The following FIRRM variants were observed in gnomAD, a reference collection of about 807,000 sequenced individuals.
The protein encoded by FIRRM is FIGNL1 interacting regulator of recombination and mitosis, also known as FIGNL1-interacting regulator of recombination and mitosis.
the FIRRM span, chr1:169,842,302 A>G: frequency 3.1e-6 from 3 of 972,846 alleles, no homozygotes; most frequent in Non-Finnish European, 4.4e-6. Context: ...ATATTATTCT[A>G]CATGGACTTT....
chr1:169,853,978 C>A, the FIRRM span: 1 of 628,602 alleles, frequency 1.6e-6, no homozygotes. Context: ...TTTTCAAAAA[C>A]CATAAAATCC....
chr1:169,793,537 A>G, the FIRRM span: 2 of 1,614,112 alleles, frequency 1.2e-6, no homozygotes, highest in Non-Finnish European at 1.7e-6. Context: ...GAGGCAAGTC[A>G]AATTGTTCTG....
chr1:169,833,537 C>T, the FIRRM span, among the ~76,000 whole-genome samples: 52 of 152,284 alleles, frequency 3.4e-4, no homozygotes, highest in African/African-American at 1.2e-3. Context: ...TTTGTAAAGA[C>T]TTGGAAATAA....
chr1:169,829,533 A>C, the FIRRM span: 1 of 1,286,210 alleles, frequency 7.8e-7, no homozygotes. Flanking sequence ...ACAGAAGAAA[A>C]TGTGGGAATA....
At chr1:169,849,461 G>A in the FIRRM span, 1 of 1,450,210 alleles carries the variant, frequency 6.9e-7, no homozygotes, top group South Asian at 1.2e-5. Flanking sequence ...ATCTATTATG[G>A]TTTCTTTTCT....
chr1:169,820,195 A>G, the FIRRM span, among the ~76,000 whole-genome samples: 949 of 152,326 alleles, frequency 6.2e-3, 7 homozygotes, highest in African/African-American at 0.021. Flanking sequence ...AGAAAGGGAA[A>G]GGAGAGAATG....
At chr1:169,802,681 A>G in the FIRRM span, 2 of 1,613,338 alleles carry the variant, frequency 1.2e-6, no homozygotes, top group African/African-American at 1.3e-5. Context: ...AGGACTGTCA[A>G]GCCAAAATTT....
the FIRRM span, chr1:169,800,752 C>G: frequency 8.2e-6 from 2 of 242,662 alleles, no homozygotes; most frequent in Non-Finnish European, 7.7e-6. Context: ...AATAGTTTCT[C>G]TGTATAGAAT....
the FIRRM span, chr1:169,851,045 C>CTTTTTTTTTTTTTTTTTTTTT: frequency 5.8e-5 from 1 of 17,308 alleles, no homozygotes; most frequent in African/African-American, 2.3e-4. Flanking sequence ...GCTCAGGGCC[C>CTTTTTTTTTTTTTTTTTTTTT]TTTTTTTTTT....
At chr1:169,788,126 G>A in the FIRRM span, among the ~76,000 whole-genome samples, 1 of 152,128 alleles carries the variant, frequency 6.6e-6, no homozygotes, top group Non-Finnish European at 1.5e-5. Flanking sequence ...AAGGCACTTG[G>A]GGTTTCATGA....
At chr1:169,784,149 A>C in the FIRRM span, among the ~76,000 whole-genome samples, 3 of 152,110 alleles carry the variant, frequency 2.0e-5, no homozygotes, top group Non-Finnish European at 2.9e-5. Flanking sequence ...GCACTATCTC[A>C]AGCAAACTGG....
At chr1:169,795,509 G>A in the FIRRM span, 1 of 1,181,574 alleles carries the variant, frequency 8.5e-7, no homozygotes, top group African/African-American at 1.6e-5. Context: ...TTCTGTACTC[G>A]TTGCTTGCAA....
At chr1:169,792,507 A>T in the FIRRM span, 1 of 1,342,260 alleles carries the variant, frequency 7.5e-7, no homozygotes. Flanking sequence ...AATAATAGCA[A>T]AACAGAAATC....
chr1:169,843,112 A>G, the FIRRM span, among the ~76,000 whole-genome samples: 3 of 152,338 alleles, frequency 2.0e-5, no homozygotes, highest in African/African-American at 7.2e-5. Flanking sequence ...AGCTAGAGGA[A>G]GCTAAAGGCA....
At chr1:169,819,613 C>T in the FIRRM span, among the ~76,000 whole-genome samples, 2,239 of 152,254 alleles carry the variant, frequency 0.015, 54 homozygotes, top group African/African-American at 0.05. Flanking sequence ...CCGATGGAGT[C>T]CCAGGCTGTT....
the FIRRM span, chr1:169,793,921 A>G: frequency 2.6e-6 from 1 of 385,534 alleles, no homozygotes; most frequent in Non-Finnish European, 4.6e-6. Context: ...AAAAAAAAAA[A>G]GAAAGAAAAT....
At chr1:169,834,723 T>A in the FIRRM span, among the ~76,000 whole-genome samples, 13 of 152,130 alleles carry the variant, frequency 8.5e-5, no homozygotes, top group African/African-American at 3.1e-4. Context: ...GATCTTTTTA[T>A]TTAGCCCAAA....
the FIRRM span, among the ~76,000 whole-genome samples, chr1:169,811,086 T>C: frequency 2.0e-4 from 30 of 151,236 alleles, no homozygotes; most frequent in African/African-American, 6.6e-4. Flanking sequence ...GGTCTCGATC[T>C]CCTGACCTCA....
the FIRRM span, among the ~76,000 whole-genome samples, chr1:169,833,348 G>A: frequency 6.6e-6 from 1 of 152,038 alleles, no homozygotes; most frequent in African/African-American, 2.4e-5. Context: ...AAGTTCCTGC[G>A]TGAGTCAGAC....
Sources: allele counts gnomAD v4.1 joint callset (sites outside exome capture counted in the v4.1 genomes callset), GRCh38; gene constraint gnomAD v4.1.1; transcripts MANE v1.5; gene names NCBI Gene and HGNC (gene_info 2026-07-23, HGNC 2026-07-21).